Variants in ITFG2 observed in about 807,000 individuals in gnomAD.
ITFG2 encodes the protein KICSTOR complex protein ITFG2.
ITFG2 carries 36 observed loss-of-function variants against 54.4 expected under a neutral mutation model. The ratio of observed to expected loss-of-function variants is 0.66; its 90% confidence interval spans 0.51 to 0.87. The LOEUF (loss-of-function observed/expected upper bound fraction) is 0.87, where lower values mean the gene tolerates loss of function less well. Among genes scored for constraint, ITFG2 ranks in the 40% least tolerant of loss-of-function variants. The pLI is 0.00. For synonymous variants in ITFG2, 211 were observed against 225.4 expected, an observed-to-expected ratio of 0.94 and a Z score of 0.57; for missense variants, 524 against 576.7, an observed-to-expected ratio of 0.91 and a Z score of 0.94.
At chr12:2,855,489 AG>A in intron 2 of ITFG2, 1 of 1,368,938 alleles carries the variant, frequency 7.3e-7, no homozygotes, top group Non-Finnish European at 9.5e-7. Flanking sequence ...TTGTGCAGAC[AG>A]GGGTGCAGAA....
intron 3 of ITFG2, chr12:2,859,221 C>A (rs912730887): frequency 1.2e-6 from 2 of 1,612,978 alleles, no homozygotes; most frequent in East Asian, 2.2e-5. Flanking sequence ...TGCGGCCCAG[C>A]GGGAAGTACT....
intron 4 of ITFG2, chr12:2,818,679 A>G (rs2097930355): frequency 4.0e-6 from 1 of 249,200 alleles, no homozygotes; most frequent in Admixed American, 5.1e-5. Context: ...AAAAGAAAAG[A>G]AAAACTATAC....
intron 10 of ITFG2, 125 bp from the exon 11 acceptor site, chr12:2,823,645 A>T: frequency 1.7e-6 from 2 of 1,205,214 alleles, no homozygotes; most frequent in Non-Finnish European, 2.2e-6. Context: ...AATAACCTTT[A>T]ATTTTTTTCC....
chr12:2,843,439 C>A (rs183218060), intron 2 of ITFG2, among the ~76,000 whole-genome samples: 1 of 152,296 alleles, frequency 6.6e-6, no homozygotes, highest in East Asian at 1.9e-4. Context: ...AACCAAGGCA[C>A]GAAGAGGTCA....
At position 2,818,081 on chromosome 12, in the gene ITFG2, T is replaced by G. The variant is rs779653696; in HGVS notation, c.235-25T>G. On this transcript the variant is annotated intron_variant, in intron 3 of 11. Transcript: ENST00000228799. Reference sequence around the variant, plus strand: ...TCCAAAACTCCCTCCCCAGTCCATCTCTACTATACCTCTGTTTGTCCTAGA... The same window carrying G: ...TCCAAAACTCCCTCCCCAGTCCATCGCTACTATACCTCTGTTTGTCCTAGA... 2.4e-5 allele frequency: 38 copies of G among 1,610,410 alleles called. No individual in the cohort carries two copies. In the Middle Eastern group the frequency reaches 6.6e-4, roughly 28 times the overall value.
rs2097928162 is a variant in ITFG2 at position 2,818,117 on chromosome 12, G to A, written c.246G>A (p.Val82=). Residue 82 remains valine (V), a synonymous_variant, in exon 4 of 12, where the codon GTG becomes GTA. Transcript: ENST00000228799. ...DVCNKGKNLL[V]AVSAEGWFHL... is the part of the protein sequence containing the mutation. Reference sequence around the variant, plus strand: ...TCTGTTTGTCCTAGAACCTGTTGGTGGCAGTGAGTGCTGAAGGCTGGTTTC... The same window carrying A: ...TCTGTTTGTCCTAGAACCTGTTGGTAGCAGTGAGTGCTGAAGGCTGGTTTC... The A allele has an allele frequency of 3.1e-6, 5 of 1,614,034 alleles. No homozygotes were observed. The highest frequency in any genetic ancestry group is 4.2e-6 in the Non-Finnish European group (5 of 1,179,940).
chr12:2,823,885 G>A lies in ITFG2; in HGVS notation c.1182G>A (p.Leu394=), dbSNP rs1163987371. 2 of 1,613,614 alleles carry A rather than the reference G, an allele frequency of 1.2e-6. No individual in the cohort carries two copies. Among genetic ancestry groups the A allele is most frequent in the South Asian group, 1.1e-5 (1 of 91,010 alleles). Residue 394 remains leucine (L), a synonymous_variant, in exon 11 of 12, where the codon CTG becomes CTA. Transcript: ENST00000228799. The part of the protein sequence containing the change: ...VQLERMESTN[L]VKLLETKPEY... ...TGGAGCGGATGGAGTCTACCAATCT[G>A]GTGAAACTGCTGGAGACCAAGCCGG...
chr12:2,853,298 A>G (rs1157545464), intron 2 of ITFG2, among the ~76,000 whole-genome samples: 4 of 151,824 alleles, frequency 2.6e-5, no homozygotes, highest in Non-Finnish European at 4.4e-5. Flanking sequence ...TTTTTTAAAC[A>G]AAGTCTCGCT....
downstream of ITFG2, chr12:2,825,474 A>G (rs1198378675): frequency 1.3e-5 from 2 of 152,522 alleles, no homozygotes; most frequent in African/African-American, 4.8e-5. Flanking sequence ...GACCCAGGAA[A>G]GTGGACCTTG....
chr12:2,825,478 G>A (rs915377989), downstream of ITFG2: 19 of 152,508 alleles, frequency 1.2e-4, no homozygotes, highest in African/African-American at 4.6e-4. Flanking sequence ...CAGGAAAGTG[G>A]ACCTTGTGGA....
At chr12:2,853,149 T>C (rs1324138098) in intron 2 of ITFG2, among the ~76,000 whole-genome samples, 6 of 152,162 alleles carry the variant, frequency 3.9e-5, no homozygotes, top group African/African-American at 1.4e-4. Flanking sequence ...CTCTAAGTCT[T>C]TCTCCCCTTT....
rs765220332 is a variant in ITFG2 at position 2,858,788 on chromosome 12, G to T, written n.620+457G>T. On this transcript the variant is annotated intron_variant and non_coding_transcript_variant, in intron 3 of 3. Coordinates refer to the ITFG2 transcript ENST00000537710. ...CCAGGCCTTCTGTCAGAGAACGATT[G>T]GCTGCAAGGCCAGAAACCTGTGGCT... is the stretch of plus-strand genomic sequence containing the variant. 196 of 1,614,084 alleles carry T rather than the reference G, an allele frequency of 1.2e-4. 1 individual carries two copies. Among genetic ancestry groups the T allele is most frequent in the Non-Finnish European group, 1.6e-4 (192 of 1,180,042 alleles).
chr12:2,859,110 GGCAGCGTTTCCTTAAT>G, intron 3 of ITFG2: 1 of 1,605,986 alleles, frequency 6.2e-7, no homozygotes, highest in Non-Finnish European at 8.5e-7. Context: ...GGAGGAGATG[GGCAGCGTTTCCTTAAT>G]GGGTGTCTTA....
intron 1 of ITFG2, among the ~76,000 whole-genome samples, chr12:2,838,882 C>G (rs1372125942): frequency 6.6e-6 from 1 of 152,104 alleles, no homozygotes; most frequent in East Asian, 1.9e-4. Context: ...CACCACTTTG[C>G]TGTGATAGTG....
Position 2,817,894 on chromosome 12 carries a change from C to A in ITFG2, c.193-15C>A. On this transcript the variant is annotated splice_polypyrimidine_tract_variant and intron_variant, in intron 2 of 11. Transcript: ENST00000228799. ...TCCCTTAGCGTCTCCCTGAGCCTCC[C>A]TTTCTCTCTTACAGCTGACTTGCGT... 1 of 1,613,208 alleles carries A rather than the reference C, an allele frequency of 6.2e-7. No homozygotes were observed. Among genetic ancestry groups the A allele is most frequent in the Admixed American group, 1.7e-5 (1 of 59,802 alleles).
chr12:2,821,422 A>G (rs1474831504), intron 7 of ITFG2, 63 bp downstream of exon 7: 3 of 1,547,540 alleles, frequency 1.9e-6, no homozygotes, highest in Non-Finnish European at 2.7e-6. Flanking sequence ...GGAGGAGTGG[A>G]GATCCATAGC....
Position 2,820,792 on chromosome 12 carries a change from T to C in ITFG2, c.615T>C (p.Cys205=). Residue 205 remains cysteine (C), a synonymous_variant, in exon 6 of 12, where the codon TGT becomes TGC. Coordinates refer to ENST00000228799, the MANE Select transcript of ITFG2 (RefSeq NM_018463.4). ...AACTGATGGTGTCTCAGCCAGGTTGTGCGTATGCAATTCTACTGTGTACCT... is the reference window on the plus strand; with the variant it reads ...AACTGATGGTGTCTCAGCCAGGTTGCGCGTATGCAATTCTACTGTGTACCT... ...LPELMVSQPG[C]AYAILLCTWK... 1 of 1,614,086 alleles carries C rather than the reference T, an allele frequency of 6.2e-7. No individual in the cohort carries two copies. The highest frequency in any genetic ancestry group is 1.1e-5 in the South Asian group (1 of 91,080).
intron 2 of ITFG2, chr12:2,857,313 G>A (rs1287738213): frequency 1.7e-5 from 8 of 477,744 alleles, no homozygotes; most frequent in Non-Finnish European, 2.3e-5. Context: ...CTCAGGGTGG[G>A]GATGGCAGTG....
intron 1 of ITFG2, among the ~76,000 whole-genome samples, chr12:2,839,357 G>A (rs1203225712): frequency 6.6e-6 from 1 of 152,122 alleles, no homozygotes; most frequent in Non-Finnish European, 1.5e-5. Flanking sequence ...AGACAGAGGG[G>A]GAAGAAACTT....
Sources: gnomAD v4.1 joint callset for allele counts (sites outside exome capture counted in the v4.1 genomes callset) on GRCh38, gnomAD v4.1.1 for gene constraint, MANE v1.5 for transcripts, NCBI Gene and HGNC (gene_info 2026-07-23, HGNC 2026-07-21) for gene names.